Variants in SOCS6 observed in about 807,000 individuals in gnomAD.
SOCS6 encodes the protein suppressor of cytokine signaling 6.
Under a neutral mutation model 27.7 loss-of-function variants are expected in SOCS6, and 5 were observed. The observed-to-expected ratio is 0.18, with a 90% confidence interval of 0.09 to 0.38. SOCS6 has a LOEUF of 0.38. SOCS6 is among the 10% of genes least tolerant of loss of function. SOCS6 has a pLI of 1.00. For synonymous variants in SOCS6, 271 were observed against 260.0 expected, an observed-to-expected ratio of 1.04 and a Z score of -0.41; for missense variants, 595 against 688.1, an observed-to-expected ratio of 0.86 and a Z score of 1.51.
At chr18:70,316,651 C>T (rs921853570) in intron 1 of SOCS6, among the ~76,000 whole-genome samples, 2 of 152,040 alleles carry the variant, frequency 1.3e-5, no homozygotes, top group Admixed American at 1.3e-4. Context: ...GTTACTCTAG[C>T]TTCCTTGTTG....
chr18:70,300,076 T>TA (rs891573374), intron 1 of SOCS6, among the ~76,000 whole-genome samples: 1 of 152,168 alleles, frequency 6.6e-6, no homozygotes, highest in Non-Finnish European at 1.5e-5. Flanking sequence ...TGCAACTTGT[T>TA]AAAATCTGAA....
Position 70,327,479 on chromosome 18 carries a change from A to G in SOCS6, c.*1203A>G, listed in dbSNP as rs1378829081. On this transcript the variant is annotated 3_prime_UTR_variant, in exon 2 of 2. Transcript: ENST00000397942. ...CACAATGTGAGAAAAATTCTAAACC[A>G]TATTAGATAATGTGGAAGTCATATT... The G allele has an allele frequency of 6.0e-6, 1 of 166,606 alleles. No homozygotes were observed. Among genetic ancestry groups the G allele is most frequent in the Non-Finnish European group, 1.5e-5 (1 of 68,092 alleles). The allele number at this position is 166,606 out of a possible 1,614,324, so 10.3% of individuals were successfully genotyped here.
At chr18:70,320,466 T>C (rs1007955962) in intron 1 of SOCS6, among the ~76,000 whole-genome samples, 3 of 152,188 alleles carry the variant, frequency 2.0e-5, no homozygotes, top group Non-Finnish European at 4.4e-5. Flanking sequence ...TGGAGGAGGC[T>C]GAATTTTCTT....
intron 1 of SOCS6, among the ~76,000 whole-genome samples, chr18:70,319,569 A>G (rs1910897751): frequency 6.6e-6 from 1 of 150,632 alleles, no homozygotes; most frequent in African/African-American, 2.4e-5. Context: ...TAAATGTAGT[A>G]ATAGTCGTAT....
At chr18:70,306,819 A>G (rs764212844) in intron 1 of SOCS6, among the ~76,000 whole-genome samples, 2 of 152,236 alleles carry the variant, frequency 1.3e-5, no homozygotes, top group African/African-American at 4.8e-5. Flanking sequence ...TGCAACTATT[A>G]AGATGATCAT....
Position 70,330,049 on chromosome 18 carries a change from T to A in SOCS6, c.*3773T>A, listed in dbSNP as rs1186068067. ...CATTTGTACTGAGAACACCACAGAA[T>A]GAATTATCCAAAGTCCATTGATTTT... On this transcript the variant is annotated 3_prime_UTR_variant, in exon 2 of 2. Coordinates refer to ENST00000397942, the MANE Select transcript of SOCS6 (RefSeq NM_004232.4). 1 of 167,124 alleles carries A rather than the reference T, an allele frequency of 6.0e-6. No homozygotes were observed. The highest frequency in any genetic ancestry group is 2.4e-5 in the African/African-American group (1 of 41,474). The allele number at this position is 167,124 out of a possible 1,614,324, so 10.4% of individuals were successfully genotyped here.
chr18:70,291,929 T>G (rs959885609), intron 1 of SOCS6, among the ~76,000 whole-genome samples: 6 of 152,198 alleles, frequency 3.9e-5, no homozygotes, highest in African/African-American at 4.8e-5. Flanking sequence ...TAAGATGTGT[T>G]TGATATTGTT....
At chr18:70,324,200 G>A (rs540000394) in intron 1 of SOCS6, among the ~76,000 whole-genome samples, 1 of 151,874 alleles carries the variant, frequency 6.6e-6, no homozygotes, top group South Asian at 2.1e-4. Context: ...TACTTGGGAG[G>A]CTGAGGCAGG....
chr18:70,318,063 C>T (rs967571821), intron 1 of SOCS6, among the ~76,000 whole-genome samples: 2 of 152,098 alleles, frequency 1.3e-5, no homozygotes, highest in South Asian at 4.1e-4. Context: ...GCATGTTGGC[C>T]GGACTGGCCC....
intron 1 of SOCS6, among the ~76,000 whole-genome samples, chr18:70,290,503 A>G (rs995983569): frequency 1.3e-5 from 2 of 152,162 alleles, no homozygotes; most frequent in Admixed American, 6.5e-5. Flanking sequence ...TGGGCTTTCT[A>G]ATTTCTCCTC....
At chr18:70,317,452 A>G (rs553381031) in intron 1 of SOCS6, among the ~76,000 whole-genome samples, 2 of 151,316 alleles carry the variant, frequency 1.3e-5, no homozygotes, top group South Asian at 4.2e-4. Flanking sequence ...ATACACATAC[A>G]TATATAGATA....
At chr18:70,303,543 C>T (rs2062357164) in intron 1 of SOCS6, among the ~76,000 whole-genome samples, 2 of 152,162 alleles carry the variant, frequency 1.3e-5, no homozygotes, top group Admixed American at 6.5e-5. Context: ...CCTGTAATCC[C>T]AGCACTTTGG....
At chr18:70,302,745 T>C (rs1240884112) in intron 1 of SOCS6, among the ~76,000 whole-genome samples, 1 of 147,348 alleles carries the variant, frequency 6.8e-6, no homozygotes, top group Non-Finnish European at 1.5e-5. Context: ...AGCCGGTTCC[T>C]AACTGTATAT....
rs149361339 is a variant in SOCS6, at chr18:70,306,636, C to T, written c.-127+17546C>T. Among the ~76,000 whole-genome samples the T allele has an allele frequency of 2.9e-3, 446 of 152,016 alleles. 2 individuals are homozygous for T. Among genetic ancestry groups the T allele is most frequent in the African/African-American group, 0.01 (424 of 41,480 alleles). On this transcript the variant is annotated intron_variant, in intron 1 of 1. Coordinates refer to ENST00000397942, the MANE Select transcript of SOCS6 (RefSeq NM_004232.4). ...TACAGTGTTGAGTAGAGGGGGTGAG[C>T]GCAAATGTCCTTGTCTTGCCCCCAG...
chr18:70,314,981 A>G (rs944739082), intron 1 of SOCS6, among the ~76,000 whole-genome samples: 1 of 151,634 alleles, frequency 6.6e-6, no homozygotes, highest in Non-Finnish European at 1.5e-5. Context: ...TGATCATATT[A>G]TTTTACTCCT....
chr18:70,313,859 T>A (rs2062400329), intron 1 of SOCS6, among the ~76,000 whole-genome samples: 2 of 152,238 alleles, frequency 1.3e-5, no homozygotes. Flanking sequence ...GTTGACTTTC[T>A]TGAAAAAGCA....
intron 1 of SOCS6, among the ~76,000 whole-genome samples, chr18:70,312,771 A>ATT (rs375997089): frequency 0.26 from 31,837 of 121,798 alleles, 4,982 homozygotes; most frequent in Non-Finnish European, 0.31. Flanking sequence ...AATTCTTTGG[A>ATT]TTTTTTTTTT....
At chr18:70,317,552 C>T (rs1179581527) in intron 1 of SOCS6, among the ~76,000 whole-genome samples, 2 of 125,412 alleles carry the variant, frequency 1.6e-5, no homozygotes, top group African/African-American at 6.8e-5. Context: ...TTCATATATA[C>T]ATACACACAC....
rs1164118768 is a variant in SOCS6 at position 70,327,087 on chromosome 18, AATTATT to A, written c.*816_*821del. 7 of 166,834 alleles carry A rather than the reference AATTATT, an allele frequency of 4.2e-5. No individual in the cohort carries two copies. Among genetic ancestry groups the A allele is most frequent in the African/African-American group, 1.7e-4 (7 of 41,460 alleles). 10.3% of individuals were successfully genotyped at this position (166,834 alleles called of 1,614,324 possible). On this transcript the variant is annotated 3_prime_UTR_variant, in exon 2 of 2. Coordinates refer to ENST00000397942, the MANE Select transcript of SOCS6 (RefSeq NM_004232.4). ...ATAACATGAAAACCTATGGAACTAGAATTATTATTAAAGAAATATTAGATGATCATA... is the reference window on the plus strand; with the variant it reads ...ATAACATGAAAACCTATGGAACTAGAATTAAAGAAATATTAGATGATCATA...
Sources: allele counts gnomAD v4.1 joint callset (sites outside exome capture counted in the v4.1 genomes callset), GRCh38; gene constraint gnomAD v4.1.1; transcripts MANE v1.5; gene names NCBI Gene and HGNC (gene_info 2026-07-23, HGNC 2026-07-21).